Variants in LARP1B observed in about 807,000 individuals in gnomAD.
LARP1B encodes La ribonucleoprotein 1B, also known as la-related protein 1B.
Under a neutral mutation model 114.2 loss-of-function variants are expected in LARP1B, and 76 were observed. The ratio of observed to expected loss-of-function variants is 0.67; its 90% confidence interval spans 0.55 to 0.81. The LOEUF is 0.81. Ranked by LOEUF, LARP1B falls within the 30% of genes least tolerant of loss-of-function variation. LARP1B has a pLI of 0.00. For synonymous variants in LARP1B, 345 were observed against 348.0 expected (o/e 0.99, Z 0.10); for missense variants, 1,014 against 1,075.8 (o/e 0.94, Z 0.80).
At chr4:128,082,345 C>T in intron 5 of LARP1B, 40 bp downstream of exon 5, 1 of 1,580,822 alleles carries the variant, frequency 6.3e-7, no homozygotes, top group Non-Finnish European at 8.7e-7. Context: ...TAAGGAAAGA[C>T]TTAGTCTTAA....
rs75150654 is a variant in LARP1B at position 128,170,986 on chromosome 4, T to C, written c.1649-5886T>C. The stretch of plus-strand genomic sequence containing the variant: ...CTATGAATTTGGACATATATATCTT[T>C]TTTTGTATAATTGTTTTTAGTGATT... On this transcript the variant is annotated intron_variant, in intron 12 of 19. Coordinates refer to ENST00000326639, the MANE Select transcript of LARP1B (RefSeq NM_018078.4). Among the ~76,000 whole-genome samples the C allele has an allele frequency of 5.4e-3, 823 of 152,072 alleles. 9 individuals carry two copies. The highest frequency in any genetic ancestry group is 0.019 in the African/African-American group (782 of 41,520).
chr4:128,074,740 T>C (rs1767128551), intron 2 of LARP1B, among the ~76,000 whole-genome samples, 194 bp from the exon 3 acceptor site: 1 of 152,260 alleles, frequency 6.6e-6, no homozygotes, highest in African/African-American at 2.4e-5. Context: ...GAAAGTTTTA[T>C]CATAAGATTA....
At chr4:128,104,761 A>G (rs766456778) in intron 8 of LARP1B, among the ~76,000 whole-genome samples, 15 of 152,010 alleles carry the variant, frequency 9.9e-5, no homozygotes, top group Non-Finnish European at 1.3e-4. Flanking sequence ...TAATTTTTCT[A>G]TGCTCCTATT....
At position 128,211,602 on chromosome 4, in the gene LARP1B, G is replaced by A. The variant is rs1758995163; in HGVS notation, c.*1549G>A. 3 of 961,348 alleles carry A rather than the reference G, an allele frequency of 3.1e-6. No homozygotes were observed. Among genetic ancestry groups the A allele is most frequent in the African/African-American group, 1.8e-5 (1 of 56,668 alleles). The allele number at this position is 961,348 out of a possible 1,614,324, so 59.6% of individuals were successfully genotyped here. On this transcript the variant is annotated 3_prime_UTR_variant, in exon 20 of 20. Coordinates refer to ENST00000326639, the MANE Select transcript of LARP1B (RefSeq NM_018078.4). Reference sequence around the variant, plus strand: ...AAAGAGGGTGCAAAACAAGCAATGGGTTAGAATAATAGATCTTCAAGTCTT... The same window carrying A: ...AAAGAGGGTGCAAAACAAGCAATGGATTAGAATAATAGATCTTCAAGTCTT...
At chr4:128,151,792 C>T (rs891498845) in intron 11 of LARP1B, among the ~76,000 whole-genome samples, 1 of 152,030 alleles carries the variant, frequency 6.6e-6, no homozygotes, top group Non-Finnish European at 1.5e-5. Flanking sequence ...TCAGTAGAGA[C>T]AAGGTTTCAC....
chr4:128,122,168 A>G lies in LARP1B; in HGVS notation c.1504A>G (p.Asn502Asp), dbSNP rs1228245751. 1.2e-6 allele frequency: 2 copies of G among 1,613,992 alleles called. No individual in the cohort carries two copies. Among genetic ancestry groups the G allele is most frequent in the Admixed American group, 1.7e-5 (1 of 60,024 alleles). The change falls in exon 11 of 20, where the codon AAC (asparagine) becomes GAC (aspartate). Residue 502 changes from asparagine to aspartate, a missense_variant. Transcript: ENST00000326639. ...EQDLWMEEDENKHTAIKQEVE... is the reference protein window; with the variant it reads ...EQDLWMEEDEDKHTAIKQEVE... ...GGATCTATGGATGGAAGAAGATGAA[A>G]ACAAACACACAGCCATAAAGGTAAT...
intron 8 of LARP1B, among the ~76,000 whole-genome samples, chr4:128,106,786 A>C (rs983403652): frequency 6.6e-6 from 1 of 152,208 alleles, no homozygotes; most frequent in Non-Finnish European, 1.5e-5. Context: ...TACAATAATA[A>C]AATGCCTACA....
intron 8 of LARP1B, among the ~76,000 whole-genome samples, chr4:128,099,735 CAT>C (rs1159380449): frequency 1.3e-5 from 2 of 150,704 alleles, no homozygotes; most frequent in African/African-American, 2.4e-5. Flanking sequence ...CACACACACA[CAT>C]ATATATTTCT....
intron 11 of LARP1B, chr4:128,155,939 G>C: frequency 6.6e-7 from 1 of 1,525,128 alleles, no homozygotes; most frequent in Non-Finnish European, 9.0e-7. Context: ...GGGTACACAG[G>C]CGGTACCAGC....
Position 128,211,514 on chromosome 4 carries a change from C to G in LARP1B, c.*1461C>G. On this transcript the variant is annotated 3_prime_UTR_variant, in exon 20 of 20. Transcript: ENST00000326639. ...TACTATTTGGAGGGTCATTTTGATG[C>G]TTTAAATTGCAGAAATAGTCAAATT... 1.1e-6 allele frequency: 1 copy of G among 900,680 alleles called. No homozygotes were observed. 55.8% of individuals were successfully genotyped at this position (900,680 alleles called of 1,614,324 possible).
At chr4:128,216,791 G>A (rs1454015372), downstream of LARP1B, among the ~76,000 whole-genome samples, 23 of 152,192 alleles carry the variant, frequency 1.5e-4, no homozygotes, top group East Asian at 1.7e-3. Context: ...AAATAACTAA[G>A]ATCAGAGCAG....
chr4:128,221,554 G>A (rs1029902824), intron 7 of LARP1B, among the ~76,000 whole-genome samples: 7 of 152,112 alleles, frequency 4.6e-5, no homozygotes, highest in Admixed American at 4.6e-4. Context: ...CGCTGCTATT[G>A]TTTTGTTTTT....
At chr4:128,150,061 G>A (rs572563109) in intron 11 of LARP1B, among the ~76,000 whole-genome samples, 1 of 152,320 alleles carries the variant, frequency 6.6e-6, no homozygotes, top group Non-Finnish European at 1.5e-5. Flanking sequence ...TGAGGCAGGA[G>A]AATCACTTGA....
At chr4:128,129,304 G>A in intron 11 of LARP1B, among the ~76,000 whole-genome samples, 1 of 147,122 alleles carries the variant, frequency 6.8e-6, no homozygotes, top group East Asian at 2.0e-4. Flanking sequence ...GCAGTGAGCC[G>A]AGGTCACACA....
Position 128,211,154 on chromosome 4 carries a change from ATTATTT to A in LARP1B, c.*1108_*1113del. ...TCTGAATTTTTTGAATTGATTTTTA[ATTATTT>A]TTATTTAGAATATAGTTGAAAAGCT... On this transcript the variant is annotated 3_prime_UTR_variant, in exon 20 of 20. Transcript: ENST00000326639. 1 of 912,864 alleles carries A rather than the reference ATTATTT, an allele frequency of 1.1e-6. No homozygotes were observed. Among genetic ancestry groups the A allele is most frequent in the African/African-American group, 1.8e-5 (1 of 55,940 alleles). 56.5% of individuals were successfully genotyped at this position (912,864 alleles called of 1,614,324 possible).
chr4:128,185,497 G>A (rs778344439), intron 15 of LARP1B, among the ~76,000 whole-genome samples: 2 of 149,564 alleles, frequency 1.3e-5, no homozygotes, highest in Non-Finnish European at 3.0e-5. Flanking sequence ...ATGTCTATTA[G>A]ATCTTTTGTC....
intron 11 of LARP1B, among the ~76,000 whole-genome samples, chr4:128,149,987 C>T (rs1196066498): frequency 6.6e-6 from 1 of 152,098 alleles, no homozygotes; most frequent in African/African-American, 2.4e-5. Flanking sequence ...CCTGTCTCTA[C>T]TAAAAATACA....
chr4:128,155,018 C>T (rs867833941), intron 11 of LARP1B, among the ~76,000 whole-genome samples: 9 of 152,150 alleles, frequency 5.9e-5, no homozygotes, highest in African/African-American at 2.2e-4. Flanking sequence ...AGGTGATCCA[C>T]CTGCCTTAGC....
At chr4:128,194,748 T>G (rs1753530843) in intron 15 of LARP1B, among the ~76,000 whole-genome samples, 1 of 136,908 alleles carries the variant, frequency 7.3e-6, no homozygotes, top group Non-Finnish European at 1.6e-5. Context: ...TCACTGGTAA[T>G]CCCAACTACT....
Sources: allele counts gnomAD v4.1 joint callset (sites outside exome capture counted in the v4.1 genomes callset), GRCh38; gene constraint gnomAD v4.1.1; transcripts MANE v1.5; gene names NCBI Gene and HGNC (gene_info 2026-07-23, HGNC 2026-07-21).